SENP7: variants seen among roughly 807,000 people sequenced by gnomAD.
The protein encoded by SENP7 is sentrin-specific protease 7.
In SENP7, 64 loss-of-function variants were observed where a neutral mutation model predicts 141.2. The observed-to-expected ratio is 0.45, with a 90% confidence interval of 0.37 to 0.56. The LOEUF is 0.56. SENP7 is among the 20% of genes least tolerant of loss of function. The pLI, the probability that SENP7 is intolerant of heterozygous loss-of-function variation, is 0.00. For missense variants in SENP7, 1,025 were observed against 1,212.2 expected (o/e 0.85, Z 2.29); for synonymous variants, 382 against 426.4 (o/e 0.90, Z 1.28).
intron 11 of SENP7, among the ~76,000 whole-genome samples, chr3:101,359,623 A>G (rs1330512944): frequency 6.6e-6 from 1 of 151,786 alleles, no homozygotes; most frequent in East Asian, 1.9e-4. Context: ...ACCAACAATT[A>G]AAAATTTTTA....
At chr3:101,477,909 C>T (rs1171337845) in intron 3 of SENP7, among the ~76,000 whole-genome samples, 1 of 149,098 alleles carries the variant, frequency 6.7e-6, no homozygotes, top group Admixed American at 6.7e-5. Context: ...CTAAAGAAAA[C>T]AGAAAGACTA....
At chr3:101,409,407 G>A (rs994466112) in intron 5 of SENP7, among the ~76,000 whole-genome samples, 3 of 151,870 alleles carry the variant, frequency 2.0e-5, no homozygotes, top group East Asian at 1.9e-4. Context: ...TCAAAATACC[G>A]CCATCATTCT....
intron 6 of SENP7, among the ~76,000 whole-genome samples, chr3:101,394,577 A>C (rs1004604581): frequency 2.6e-5 from 4 of 151,940 alleles, no homozygotes; most frequent in African/African-American, 9.7e-5. Context: ...CAGTGGCGCA[A>C]TCTCGGCCCA....
At chr3:101,425,889 C>A (rs1279750173) in intron 4 of SENP7, among the ~76,000 whole-genome samples, 2 of 151,976 alleles carry the variant, frequency 1.3e-5, no homozygotes, top group African/African-American at 4.8e-5. Context: ...GCAGAATAGA[C>A]CAAGTGGAGC....
intron 4 of SENP7, among the ~76,000 whole-genome samples, chr3:101,431,962 C>T (rs573474715): frequency 3.9e-5 from 6 of 152,236 alleles, no homozygotes; most frequent in East Asian, 3.9e-4. Flanking sequence ...ATGGCCACAG[C>T]GGAGTAGAGC....
intron 1 of SENP7, among the ~76,000 whole-genome samples, chr3:101,512,826 G>T (rs1183461745): frequency 6.6e-6 from 1 of 152,186 alleles, no homozygotes; most frequent in Non-Finnish European, 1.5e-5. Context: ...CCGATGAGAC[G>T]CAAGGAGGGT....
chr3:101,461,685 A>C (rs2063552541), intron 3 of SENP7, among the ~76,000 whole-genome samples: 1 of 152,186 alleles, frequency 6.6e-6, no homozygotes. Context: ...AAAACAAAAG[A>C]ATGGAAAACA....
Position 101,485,481 on chromosome 3 carries a change from G to C in SENP7, c.186+8392C>G, listed in dbSNP as rs557980546. 7.2e-5 allele frequency among the ~76,000 whole-genome samples: 11 copies of C among 152,222 alleles called. No individual in the cohort carries two copies. The East Asian group carries it at 1.5e-3, about 21-fold the overall frequency. On this transcript the variant is annotated intron_variant, in intron 3 of 23. Transcript: ENST00000394095. ...TATGAGGCCAGAGCTGGGAAGACTC[G>C]CTGGGTGGCTAGACCCAGAAGAGAG...
At position 101,331,463 on chromosome 3, in the gene SENP7, C is replaced by T. The variant is rs78217772; in HGVS notation, c.2698+522G>A. 1.7e-3 allele frequency among the ~76,000 whole-genome samples: 168 copies of T among 98,628 alleles called. 4 individuals carry two copies. In the East Asian group the frequency reaches 0.039, roughly 23 times the overall value. The allele number at this position is 98,628 out of a possible 152,430, so 64.7% of individuals were successfully genotyped here. On this transcript the variant is annotated intron_variant, in intron 19 of 23. Transcript: ENST00000394095. ...GAGCCACTGCACTACACCAAGACAA[C>T]GTCTCTTAAAAAAAAAAAAAAAGTA...
chr3:101,433,563 A>G (rs538626132), intron 4 of SENP7, among the ~76,000 whole-genome samples: 23 of 152,270 alleles, frequency 1.5e-4, no homozygotes, highest in African/African-American at 5.3e-4. Flanking sequence ...CTAAAAATAA[A>G]GGGATAGAAA....
intron 5 of SENP7, among the ~76,000 whole-genome samples, chr3:101,406,382 A>G (rs2061305764): frequency 6.6e-6 from 1 of 151,974 alleles, no homozygotes; most frequent in African/African-American, 2.4e-5. Flanking sequence ...GAATTGAACA[A>G]TGAGAACACC....
intron 4 of SENP7, among the ~76,000 whole-genome samples, chr3:101,458,189 A>G (rs1430673606): frequency 6.6e-6 from 1 of 152,212 alleles, no homozygotes; most frequent in Non-Finnish European, 1.5e-5. Context: ...ATATATGTTT[A>G]TATTTCCTAC....
intron 1 of SENP7, among the ~76,000 whole-genome samples, chr3:101,512,346 A>G (rs561635426): frequency 1.8e-4 from 28 of 152,286 alleles, no homozygotes; most frequent in African/African-American, 6.7e-4. Context: ...GAGGAGCTCT[A>G]CCTCACGTTT....
intron 3 of SENP7, among the ~76,000 whole-genome samples, chr3:101,473,706 T>C (rs907751545): frequency 3.3e-5 from 5 of 152,204 alleles, no homozygotes; most frequent in Non-Finnish European, 7.3e-5. Context: ...CTGTTGACAG[T>C]TTCTTTTGGT....
chr3:101,378,202 GA>G (rs1007270596), intron 6 of SENP7, among the ~76,000 whole-genome samples: 110 of 150,564 alleles, frequency 7.3e-4, no homozygotes, highest in African/African-American at 2.6e-3. Context: ...CACTCTAAAA[GA>G]AAAAAAACCA....
chr3:101,337,418 G>T, intron 17 of SENP7, 91 bp downstream of exon 17: 1 of 875,418 alleles, frequency 1.1e-6, no homozygotes, highest in Non-Finnish European at 1.7e-6. Flanking sequence ...CTGCCTACTT[G>T]AGGAAATACT....
At chr3:101,499,324 T>C (rs1576535984) in intron 2 of SENP7, among the ~76,000 whole-genome samples, 1 of 152,074 alleles carries the variant, frequency 6.6e-6, no homozygotes, top group Admixed American at 6.6e-5. Context: ...AATACAGAGG[T>C]ATTTCAAAGT....
At chr3:101,417,223 A>G (rs2061649049) in intron 5 of SENP7, among the ~76,000 whole-genome samples, 1 of 128,162 alleles carries the variant, frequency 7.8e-6, no homozygotes, top group South Asian at 2.3e-4. Context: ...AGAAAATATT[A>G]ATGCACATAT....
intron 4 of SENP7, among the ~76,000 whole-genome samples, chr3:101,426,475 GAAATAAGATTTTT>G (rs1197516694): frequency 7.6e-6 from 1 of 131,214 alleles, no homozygotes; most frequent in Non-Finnish European, 1.6e-5. Flanking sequence ...AAGTGAAGGA[GAAATAAGATTTTT>G]TTTTTTTTTT....
Sources: gnomAD v4.1 joint callset for allele counts (sites outside exome capture counted in the v4.1 genomes callset) on GRCh38, gnomAD v4.1.1 for gene constraint, MANE v1.5 for transcripts, NCBI Gene and HGNC (gene_info 2026-07-23, HGNC 2026-07-21) for gene names.